The following LRP2 variants were observed in gnomAD, a reference collection of about 807,000 sequenced individuals.
LRP2 encodes LDL receptor related protein 2, also known as low-density lipoprotein receptor-related protein 2.
A neutral mutation model predicts 531.0 loss-of-function variants in LRP2; 172 were observed. The observed-to-expected ratio is 0.32, with a 90% CI of 0.29 to 0.37. The LOEUF is 0.37. Ranked by LOEUF, LRP2 falls within the 10% of genes least tolerant of loss-of-function variation. The pLI, the probability that LRP2 is intolerant of heterozygous loss-of-function variation, is 1.00. For missense variants in LRP2, 5,167 were observed against 5,868.3 expected, an observed-to-expected ratio of 0.88 and a Z score of 3.90; for synonymous variants, 1,992 against 2,027.6, an observed-to-expected ratio of 0.98 and a Z score of 0.47.
chr2:169,132,830 A>G (rs1685343684), intron 76 of LRP2, 149 bp from the exon 77 acceptor site: 1 of 672,808 alleles, frequency 1.5e-6, no homozygotes, highest in African/African-American at 1.8e-5. Flanking sequence ...ATGACCCAGT[A>G]GGCCAGGACT....
intron 4 of LRP2, among the ~76,000 whole-genome samples, chr2:169,304,446 C>G (rs772607282): frequency 6.6e-6 from 1 of 152,036 alleles, no homozygotes; most frequent in African/African-American, 2.4e-5. Context: ...CATAAAGGAA[C>G]CTAATAGTAA....
chr2:169,135,281 G>A lies in LRP2; in HGVS notation c.13620+2111C>T, dbSNP rs151021457. On this transcript the variant is annotated intron_variant, in intron 76 of 78. Transcript: ENST00000649046. ...CCTCCCTTCCCTACACCTCAAGCTC[G>A]GGGTTTTTCCCCCGCCCAGGACTGG... is the stretch of plus-strand genomic sequence containing the variant. Among the ~76,000 whole-genome samples the A allele has an allele frequency of 3.7e-3, 557 of 152,168 alleles. 2 individuals carry two copies. The highest frequency in any genetic ancestry group is 0.012 in the African/African-American group (517 of 41,496).
At chr2:169,319,148 A>G (rs928847461) in intron 2 of LRP2, among the ~76,000 whole-genome samples, 1 of 152,260 alleles carries the variant, frequency 6.6e-6, no homozygotes, top group Admixed American at 6.5e-5. Context: ...ATACACACAA[A>G]AAAATTATGA....
In LRP2 at chr2:169,271,086, A is replaced by G; in HGVS notation, c.2138T>C (p.Phe713Ser). 1.9e-6 allele frequency: 3 copies of G among 1,612,852 alleles called. No individual in the cohort carries two copies. The Middle Eastern group carries it at 5.0e-4, about 267-fold the overall frequency. The change falls in exon 16 of 79, where the codon TTT (phenylalanine) becomes TCT (serine). Residue 713 changes from phenylalanine to serine, a missense_variant. This residue lies in a region of LRP2 where 2,811 missense variants were observed against 3,058.0 expected (regional missense o/e 0.92). Transcript: ENST00000649046. ...HCIAVQNFLIFSSQVAIRGIP... is the reference protein window; with the variant it reads ...HCIAVQNFLISSSQVAIRGIP... ...CCCACGAATAGCAACTTGGGATGAA[A>G]AAATGAGGAAATTCTGAACAGCTGT... is the stretch of plus-strand genomic sequence containing the variant.
At position 169,324,940 on chromosome 2, in the gene LRP2, T is replaced by C. The variant is rs149101551; in HGVS notation, c.80-4056A>G. 4.2e-4 allele frequency among the ~76,000 whole-genome samples: 63 copies of C among 150,684 alleles called. 2 individuals carry two copies. In the East Asian group the frequency reaches 9.0e-3, roughly 22 times the overall value. ...CTGAGACCATTATATATCAGAGATATAGAAAGCTATCAGAGCAAACAATGA... is the reference window on the plus strand; with the variant it reads ...CTGAGACCATTATATATCAGAGATACAGAAAGCTATCAGAGCAAACAATGA... On this transcript the variant is annotated intron_variant, in intron 1 of 78. Coordinates refer to ENST00000649046, the MANE Select transcript of LRP2 (RefSeq NM_004525.3).
chr2:169,162,609 T>C lies in LRP2; in HGVS notation c.11759-9A>G. 1 of 1,614,046 alleles carries C rather than the reference T, an allele frequency of 6.2e-7. No individual in the cohort carries two copies. ...AGGGGTCGGTTTTCTACCTGCAATG[T>C]AAAAACAAGTTAAAATCAAAACTTT... On this transcript the variant is annotated splice_polypyrimidine_tract_variant and intron_variant, in intron 62 of 78. Coordinates refer to ENST00000649046, the MANE Select transcript of LRP2 (RefSeq NM_004525.3).
chr2:169,229,205 C>T lies in LRP2; in HGVS notation c.5227+2509G>A, dbSNP rs891828051. ...TGGAAAGGAATTCAGGAGGTGGTGA[C>T]GGTTAAGTAGGTCAGTGTGTCTCTG... On this transcript the variant is annotated intron_variant, in intron 31 of 78. Transcript: ENST00000649046. Among the ~76,000 whole-genome samples, 35 of 152,190 alleles carry T rather than the reference C, an allele frequency of 2.3e-4. 1 individual carries two copies. The highest frequency in any genetic ancestry group is 8.4e-4 in the African/African-American group (35 of 41,552).
chr2:169,171,332 A>AT (rs1296442368), intron 58 of LRP2, among the ~76,000 whole-genome samples: 1 of 152,120 alleles, frequency 6.6e-6, no homozygotes, highest in African/African-American at 2.4e-5. Flanking sequence ...GGTCAGTGAT[A>AT]TACACTCTGG....
At position 169,132,690 on chromosome 2, in the gene LRP2, A is replaced by C; in HGVS notation, c.13621-9T>G. The C allele has an allele frequency of 7.6e-7, 1 of 1,321,648 alleles. No homozygotes were observed. The highest frequency in any genetic ancestry group is 1.1e-6 in the Non-Finnish European group (1 of 913,048). The allele number at this position is 1,321,648 out of a possible 1,614,324, so 81.9% of individuals were successfully genotyped here. A position where few individuals can be genotyped will look rare whatever the true frequency, so the allele number is the denominator to read the frequency against. ...TTTTCAGATACAGTCACCTGTGGACATGTTAAAGGCCTTTACCCAATTTTG... is the reference window on the plus strand; with the variant it reads ...TTTTCAGATACAGTCACCTGTGGACCTGTTAAAGGCCTTTACCCAATTTTG... On this transcript the variant is annotated splice_polypyrimidine_tract_variant and intron_variant, in intron 76 of 78. Coordinates refer to ENST00000649046, the MANE Select transcript of LRP2 (RefSeq NM_004525.3).
In LRP2 at chr2:169,128,599, T is replaced by C; in HGVS notation, c.*64A>G. On this transcript the variant is annotated 3_prime_UTR_variant, in exon 79 of 79. Coordinates refer to ENST00000649046, the MANE Select transcript of LRP2 (RefSeq NM_004525.3). Reference sequence around the variant, plus strand: ...AAGTACTGAATGTTAACTTTTTTCATCTGTTTGTAAAAAATATATGTGCAA... The same window carrying C: ...AAGTACTGAATGTTAACTTTTTTCACCTGTTTGTAAAAAATATATGTGCAA... The C allele has an allele frequency of 1.3e-6, 2 of 1,503,374 alleles. No homozygotes were observed. The highest frequency in any genetic ancestry group is 1.1e-5 in the South Asian group (1 of 88,036). The allele number at this position is 1,503,374 out of a possible 1,614,324, so 93.1% of individuals were successfully genotyped here.
At position 169,205,691 on chromosome 2, in the gene LRP2, T is replaced by TA. The variant is rs113353000; in HGVS notation, c.7557-55dup. On this transcript the variant is annotated intron_variant, in intron 40 of 78. Coordinates refer to ENST00000649046, the MANE Select transcript of LRP2 (RefSeq NM_004525.3). ...ATTCACAGGGAACCTCATAGTCCTT[T>TA]AAAAAAAAAAAAAAGGACAATATTC... 83,482 of 1,175,108 alleles carry TA rather than the reference T, an allele frequency of 0.071. 760 individuals carry two copies. Among genetic ancestry groups the TA allele is most frequent in the African/African-American group, 0.18 (11,577 of 64,156 alleles). 72.8% of individuals were successfully genotyped at this position (1,175,108 alleles called of 1,614,324 possible).
chr2:169,358,526 C>G (rs1686052524), intron 1 of LRP2, among the ~76,000 whole-genome samples: 1 of 152,154 alleles, frequency 6.6e-6, no homozygotes, highest in African/African-American at 2.4e-5. Flanking sequence ...AAGCCAACAA[C>G]TGTGAAATTA....
At chr2:169,340,325 C>T (rs762539764) in intron 1 of LRP2, among the ~76,000 whole-genome samples, 30 of 152,078 alleles carry the variant, frequency 2.0e-4, no homozygotes, top group Non-Finnish European at 4.1e-4. Context: ...CAGTGTCACC[C>T]GACCAGCTTT....
intron 1 of LRP2, among the ~76,000 whole-genome samples, chr2:169,327,665 C>A (rs1386074267): frequency 5.2e-3 from 6 of 1,154 alleles, no homozygotes; most frequent in African/African-American, 7.3e-3. Flanking sequence ...AGGTGGGGGG[C>A]TCAGCCCCCT....
intron 9 of LRP2, among the ~76,000 whole-genome samples, chr2:169,286,527 T>C (rs1474604890): frequency 3.9e-5 from 6 of 152,326 alleles, no homozygotes; most frequent in Admixed American, 2.6e-4. Context: ...AAGAACATTG[T>C]TATGACAGCC....
chr2:169,359,203 A>G (rs1686078923), intron 1 of LRP2, among the ~76,000 whole-genome samples: 1 of 152,102 alleles, frequency 6.6e-6, no homozygotes, highest in South Asian at 2.1e-4. Context: ...AAATTCTCTT[A>G]TTATCTTGTC....
intron 1 of LRP2, among the ~76,000 whole-genome samples, chr2:169,353,591 G>A (rs1685911493): frequency 2.0e-5 from 3 of 152,152 alleles, no homozygotes; most frequent in Admixed American, 2.0e-4. Flanking sequence ...GTACATGCTA[G>A]CATGTATCAC....
chr2:169,164,645 T>C (rs1686717675), intron 62 of LRP2, among the ~76,000 whole-genome samples: 1 of 152,158 alleles, frequency 6.6e-6, no homozygotes, highest in South Asian at 2.1e-4. Context: ...GGCATAATTA[T>C]GGGATGGAGG....
At chr2:169,175,019 TAAAAAA>T (rs201393942) in intron 55 of LRP2, among the ~76,000 whole-genome samples, 168 bp downstream of exon 55, 5 of 108,730 alleles carry the variant, frequency 4.6e-5, no homozygotes, top group African/African-American at 1.3e-4. Context: ...TTAAGATTTC[TAAAAAA>T]AAAAAAAAAA....
Sources: gnomAD v4.1 joint callset for allele counts (sites outside exome capture counted in the v4.1 genomes callset) on GRCh38, gnomAD v4.1.1 for gene constraint, gnomAD v4.1.1 regional missense constraint, MANE v1.5 for transcripts, NCBI Gene and HGNC (gene_info 2026-07-23, HGNC 2026-07-21) for gene names.